Variants in ZNF479 observed in about 807,000 individuals in gnomAD.
The protein encoded by ZNF479 is zinc finger protein 479.
A neutral mutation model predicts 14.7 loss-of-function variants in ZNF479; 15 were observed. The observed-to-expected ratio is 1.02, with a 90% CI of 0.68 to 1.57. The LOEUF (loss-of-function observed/expected upper bound fraction) is 1.57. Ranked by LOEUF, ZNF479 falls within the 40% of genes most tolerant of loss-of-function variation. The pLI, the probability that ZNF479 is intolerant of heterozygous loss-of-function variation, is 0.00. For missense variants in ZNF479, 506 were observed against 615.1 expected (o/e 0.82, Z 1.88); for synonymous variants, 145 against 211.5 (o/e 0.69, Z 2.73).
intron 1 of ZNF479, among the ~76,000 whole-genome samples, chr7:57,130,006 A>G (rs1470757983): frequency 1.3e-5 from 2 of 152,228 alleles, no homozygotes; most frequent in South Asian, 2.1e-4. Flanking sequence ...GACAAAATGT[A>G]TATCACTAAA....
In ZNF479 at chr7:57,120,820, G is replaced by A. The variant is rs782079290; in HGVS notation, c.595C>T (p.His199Tyr). The A allele has an allele frequency of 4.3e-6, 7 of 1,613,074 alleles. No individual in the cohort carries two copies. Among genetic ancestry groups the A allele is most frequent in the South Asian group, 2.2e-5 (2 of 91,000 alleles). Residue 199 changes from histidine (H) to tyrosine (Y), a missense_variant, in exon 4 of 4, where the codon CAC (histidine) becomes TAC (tyrosine). Transcript: ENST00000319636. Reference sequence around the variant, plus strand: ...TGAATTACCTGATGTTGATTTAGGTGTGAAAGCATGCAAAATGATTTGCCA... The same window carrying A: ...TGAATTACCTGATGTTGATTTAGGTATGAAAGCATGCAAAATGATTTGCCA... ...KYGKSFCMLS[H>Y]LNQHQVIHTR...
In ZNF479 at chr7:57,119,019, A is replaced by G. The variant is rs1481096027; in HGVS notation, c.*821T>C. ...TAAGCAGAGTTTCTCTCCAGTATAA[A>G]ATTTTTTAGTGAGTAAGCATGGAGA... On this transcript the variant is annotated 3_prime_UTR_variant, in exon 4 of 4. Coordinates refer to ENST00000319636, the MANE Select transcript of ZNF479 (RefSeq NM_001370129.2). 6.6e-6 allele frequency among the ~76,000 whole-genome samples: 1 copy of G among 152,084 alleles called. No individual in the cohort carries two copies. Among genetic ancestry groups the G allele is most frequent in the Non-Finnish European group, 1.5e-5 (1 of 68,028 alleles).
At chr7:57,124,430 T>G (rs1786072208) in intron 3 of ZNF479, among the ~76,000 whole-genome samples, 1 of 152,180 alleles carries the variant, frequency 6.6e-6, no homozygotes, top group Non-Finnish European at 1.5e-5. Flanking sequence ...AAAATGAAGT[T>G]GAATGGTTTA....
upstream of ZNF479, among the ~76,000 whole-genome samples, chr7:57,135,682 G>A (rs1222837492): frequency 1.3e-5 from 2 of 152,126 alleles, no homozygotes; most frequent in Non-Finnish European, 2.9e-5. Context: ...CAAAGTGCTG[G>A]GATTACAGGC....
chr7:57,128,896 T>C (rs1319197288), intron 1 of ZNF479, among the ~76,000 whole-genome samples: 1 of 152,184 alleles, frequency 6.6e-6, no homozygotes, highest in African/African-American at 2.4e-5. Flanking sequence ...TTCTCTGAAA[T>C]GTATTTTCAG....
intron 3 of ZNF479, among the ~76,000 whole-genome samples, chr7:57,124,854 C>T (rs1786088795): frequency 6.6e-6 from 1 of 152,122 alleles, no homozygotes; most frequent in African/African-American, 2.4e-5. Flanking sequence ...GTGGGCAGAT[C>T]ACCTGAGGTC....
At chr7:57,137,226 C>G (rs369281220), upstream of ZNF479, among the ~76,000 whole-genome samples, 1 of 152,136 alleles carries the variant, frequency 6.6e-6, no homozygotes, top group Non-Finnish European at 1.5e-5. Flanking sequence ...AACTCTGCCT[C>G]GCAAGACCAA....
rs781799265 is a variant in ZNF479 at position 57,120,957 on chromosome 7, T to C, written c.458A>G (p.Gln153Arg). Residue 153 changes from glutamine to arginine, a missense_variant, in exon 4 of 4, where the codon CAA becomes CGA. Transcript: ENST00000319636. ...TTTATGAGTCTGAAATATTTTGTTT[T>C]GGGTAGTTGACAAACATTGGTTAAC... ...SEVNQCLSTT[Q>R]NKIFQTHKYV... The C allele has an allele frequency of 1.2e-6, 2 of 1,614,042 alleles. No homozygotes were observed. The highest frequency in any genetic ancestry group is 2.2e-5 in the East Asian group (1 of 44,884).
At chr7:57,133,575 A>C (rs1786524244), upstream of ZNF479, among the ~76,000 whole-genome samples, 1 of 152,132 alleles carries the variant, frequency 6.6e-6, no homozygotes, top group Non-Finnish European at 1.5e-5. Context: ...AAGTAAAAAG[A>C]AAAAGGTGGA....
At chr7:57,129,717 G>A (rs1482048389) in intron 1 of ZNF479, among the ~76,000 whole-genome samples, 2 of 152,104 alleles carry the variant, frequency 1.3e-5, no homozygotes, top group East Asian at 3.9e-4. Context: ...CACCCTGGGA[G>A]TTGGTACTAA....
Position 57,120,781 on chromosome 7 carries a change from A to G in ZNF479, c.634T>C (p.Ser212Pro), listed in dbSNP as rs1554400337. The stretch of plus-strand genomic sequence containing the variant: ...TTGCCACATTCTTTGCATTTGTAGG[A>G]CTTCTCCCTAGTATGAATTACCTGA... ...QHQVIHTREK[S>P]YKCKECGKSF... is the part of the protein sequence containing the mutation. Residue 212 changes from serine (S) to proline (P), a missense_variant, in exon 4 of 4, where the codon TCC (serine) becomes CCC (proline). Ser to Pro is a moderately conservative substitution (Grantham distance 74, BLOSUM62 -1). Around this residue, in one of 3 missense-constraint regions of ZNF479, gnomAD observed 420 missense variants for 474.2 expected, o/e 0.89. Coordinates refer to ENST00000319636, the MANE Select transcript of ZNF479 (RefSeq NM_001370129.2). 6.2e-7 allele frequency: 1 copy of G among 1,612,522 alleles called. No homozygotes were observed. The highest frequency in any genetic ancestry group is 8.5e-7 in the Non-Finnish European group (1 of 1,179,234).
chr7:57,139,302 A>G (rs1158125632), intron 1 of ZNF479, among the ~76,000 whole-genome samples: 1 of 152,072 alleles, frequency 6.6e-6, no homozygotes, highest in African/African-American at 2.4e-5. Context: ...CACAGGTAGC[A>G]TGGTGATTCC....
At position 57,119,321 on chromosome 7, in the gene ZNF479, T is replaced by G. The variant is rs563953883; in HGVS notation, c.*519A>C. ...ATGTGCTTAAAGGTTTTGTCACTTT[T>G]TTTATGTTTCTAGGGTCTCTGTAAT... On this transcript the variant is annotated 3_prime_UTR_variant, in exon 4 of 4. Transcript: ENST00000319636. 6.6e-6 allele frequency among the ~76,000 whole-genome samples: 1 copy of G among 152,318 alleles called. No homozygotes were observed. Among genetic ancestry groups the G allele is most frequent in the African/African-American group, 2.4e-5 (1 of 41,578 alleles).
rs577202967 is a variant in ZNF479, at chr7:57,128,950, C to G, written c.40-2232G>C. Reference sequence around the variant, plus strand: ...ATCAAACCTGCATCTTGAGAATATGCCTTTAAAGCACAACCTATTCACCTG... The same window carrying G: ...ATCAAACCTGCATCTTGAGAATATGGCTTTAAAGCACAACCTATTCACCTG... On this transcript the variant is annotated intron_variant, in intron 1 of 3. Transcript: ENST00000319636. Among the ~76,000 whole-genome samples, 7 of 152,224 alleles carry G rather than the reference C, an allele frequency of 4.6e-5. No homozygotes were observed. The South Asian group carries it at 1.0e-3, about 23-fold the overall frequency.
At position 57,138,370 on chromosome 7, in the gene ZNF479, G is replaced by A. The variant is rs180829472; in HGVS notation, c.-15+1238C>T. Among the ~76,000 whole-genome samples the A allele has an allele frequency of 1.1e-3, 165 of 152,310 alleles. 3 individuals are homozygous for A. Among genetic ancestry groups the A allele is most frequent in the African/African-American group, 3.8e-3 (158 of 41,564 alleles). On this transcript the variant is annotated intron_variant, in intron 1 of 4. Transcript: ENST00000331162. Reference sequence around the variant, plus strand: ...GAGTGTTAAAACAGAGTCCAGCACCGAGGTAAAATTGTGAATCTTATAGGC... The same window carrying A: ...GAGTGTTAAAACAGAGTCCAGCACCAAGGTAAAATTGTGAATCTTATAGGC...
At chr7:57,128,241 A>C (rs1786265943) in intron 1 of ZNF479, among the ~76,000 whole-genome samples, 1 of 152,106 alleles carries the variant, frequency 6.6e-6, no homozygotes, top group Non-Finnish European at 1.5e-5. Flanking sequence ...GTCTGGCCTA[A>C]ATTTAATCAA....
upstream of ZNF479, among the ~76,000 whole-genome samples, chr7:57,133,407 T>TA (rs60551032): frequency 1.2e-4 from 18 of 150,416 alleles, no homozygotes; most frequent in South Asian, 2.1e-4. Flanking sequence ...TCAATTTACT[T>TA]AAAAAAAAAA....
chr7:57,129,111 T>A (rs1371815309), intron 1 of ZNF479, among the ~76,000 whole-genome samples: 3 of 152,168 alleles, frequency 2.0e-5, no homozygotes, highest in African/African-American at 7.2e-5. Flanking sequence ...AAATATAAGT[T>A]TCTTTGTCCC....
upstream of ZNF479, among the ~76,000 whole-genome samples, chr7:57,133,961 A>G (rs540265485): frequency 6.6e-6 from 1 of 152,352 alleles, no homozygotes; most frequent in Non-Finnish European, 1.5e-5. Flanking sequence ...TTAATATGTG[A>G]TTAGCATGTA....
Sources: allele counts gnomAD v4.1 joint callset (sites outside exome capture counted in the v4.1 genomes callset), GRCh38; gene constraint gnomAD v4.1.1; regional missense constraint gnomAD v4.1.1; transcripts MANE v1.5; gene names NCBI Gene and HGNC (gene_info 2026-07-23, HGNC 2026-07-21).